The following DAB1 variants were observed in gnomAD, a reference collection of about 807,000 sequenced individuals.
The protein encoded by DAB1 is DAB adaptor protein 1, also known as disabled homolog 1.
Under a neutral mutation model 64.6 loss-of-function variants are expected in DAB1, and 15 were observed. The observed-to-expected ratio is 0.23, with a 90% CI of 0.16 to 0.36. The LOEUF is 0.36. Ranked by LOEUF, DAB1 falls within the 10% of genes least tolerant of loss-of-function variation. DAB1 has a pLI of 1.00. For missense variants in DAB1, 596 were observed against 706.7 expected (o/e 0.84, Z 1.78); for synonymous variants, 235 against 251.9 (o/e 0.93, Z 0.64).
At chr1:57,300,432 G>A (rs1356109730) in intron 1 of DAB1, among the ~76,000 whole-genome samples, 1 of 152,218 alleles carries the variant, frequency 6.6e-6, no homozygotes, top group African/African-American at 2.4e-5. Context: ...GGGGGATGCA[G>A]ACGGAAGACT....
At chr1:57,790,883 T>G (rs1432322974) in intron 6 of DAB1, among the ~76,000 whole-genome samples, 1 of 152,096 alleles carries the variant, frequency 6.6e-6, no homozygotes, top group Non-Finnish European at 1.5e-5. Flanking sequence ...ACACACACAC[T>G]CACACTCACA....
intron 2 of DAB1, among the ~76,000 whole-genome samples, chr1:58,519,586 A>T (rs7527511): frequency 0.43 from 65,012 of 151,724 alleles, 16,143 homozygotes; most frequent in East Asian, 0.66. Context: ...GGAAAAAAAA[A>T]ATATATCATT....
intron 7 of DAB1, among the ~76,000 whole-genome samples, chr1:57,610,585 T>C (rs1645713985): frequency 6.6e-6 from 1 of 152,164 alleles, no homozygotes. Flanking sequence ...GACTGGGTAA[T>C]TTATAAAGAA....
chr1:57,929,462 A>G (rs1644925107), intron 5 of DAB1, among the ~76,000 whole-genome samples: 1 of 152,174 alleles, frequency 6.6e-6, no homozygotes, highest in Non-Finnish European at 1.5e-5. Context: ...TAACTAATGA[A>G]TTCTTTCTTT....
chr1:57,026,163 C>A, intron 9 of DAB1, 120 bp from the exon 10 acceptor site: 1 of 724,810 alleles, frequency 1.4e-6, no homozygotes, highest in East Asian at 3.0e-5. Context: ...CTAGATAAAC[C>A]GTAATCCTGA....
intron 4 of DAB1, among the ~76,000 whole-genome samples, chr1:58,228,337 T>C (rs1367822875): frequency 1.3e-5 from 2 of 152,208 alleles, no homozygotes; most frequent in Non-Finnish European, 2.9e-5. Context: ...TGAATTTCTA[T>C]ATTCACATAA....
At chr1:57,661,222 C>G (rs970259095) in intron 6 of DAB1, among the ~76,000 whole-genome samples, 2 of 152,168 alleles carry the variant, frequency 1.3e-5, no homozygotes, top group East Asian at 3.9e-4. Flanking sequence ...TCAGTTAAGG[C>G]AGGGAGGCAG....
chr1:58,388,527 T>C (rs1471009982), intron 3 of DAB1, among the ~76,000 whole-genome samples: 7 of 152,164 alleles, frequency 4.6e-5, no homozygotes, highest in African/African-American at 1.7e-4. Context: ...AGCCAAATGC[T>C]TAGAATGTCA....
At chr1:57,837,632 A>G (rs1652864365) in intron 1 of DAB1, among the ~76,000 whole-genome samples, 1 of 152,062 alleles carries the variant, frequency 6.6e-6, no homozygotes, top group Non-Finnish European at 1.5e-5. Flanking sequence ...AAGATCATGC[A>G]CAAAATCCTC....
intron 1 of DAB1, among the ~76,000 whole-genome samples, chr1:57,373,466 C>T (rs570220625): frequency 6.6e-6 from 1 of 152,172 alleles, no homozygotes; most frequent in Non-Finnish European, 1.5e-5. Context: ...TGTACAGCCC[C>T]CTACCTGCCC....
chr1:58,392,845 G>A (rs911804517), intron 3 of DAB1, among the ~76,000 whole-genome samples: 1 of 152,156 alleles, frequency 6.6e-6, no homozygotes. Flanking sequence ...GTTTGTTAGT[G>A]TTTCCTTCCA....
At chr1:58,156,536 G>C (rs528445595) in intron 4 of DAB1, among the ~76,000 whole-genome samples, 3 of 152,310 alleles carry the variant, frequency 2.0e-5, no homozygotes, top group Admixed American at 2.0e-4. Flanking sequence ...AGACAGAAGA[G>C]TTAATGCACA....
chr1:58,188,121 C>G (rs1657192549), intron 4 of DAB1, among the ~76,000 whole-genome samples: 1 of 143,858 alleles, frequency 7.0e-6, no homozygotes, highest in Non-Finnish European at 1.5e-5. Flanking sequence ...GTTGGCCAGA[C>G]TGGTCTCAAA....
intron 6 of DAB1, among the ~76,000 whole-genome samples, chr1:57,673,474 T>G (rs1026373016): frequency 6.6e-6 from 1 of 152,172 alleles, no homozygotes; most frequent in Non-Finnish European, 1.5e-5. Context: ...GGCAGGTTTT[T>G]TTCTAATCCT....
chr1:58,250,814 A>C (rs1050047008), intron 4 of DAB1, among the ~76,000 whole-genome samples: 1 of 152,156 alleles, frequency 6.6e-6, no homozygotes, highest in Admixed American at 6.5e-5. Context: ...AAAGTGATTT[A>C]CTGGGGAGAG....
chr1:57,105,312 T>C (rs1340540660), intron 4 of DAB1, among the ~76,000 whole-genome samples: 2 of 151,402 alleles, frequency 1.3e-5, no homozygotes, highest in African/African-American at 4.9e-5. Context: ...GAAAAAAAAA[T>C]GCATTTTTCA....
chr1:58,506,811 CCAATTTTCT>C (rs1199211016), intron 2 of DAB1, among the ~76,000 whole-genome samples: 2 of 151,968 alleles, frequency 1.3e-5, no homozygotes, highest in Admixed American at 1.3e-4. Context: ...ATCAATTTAC[CCAATTTTCT>C]CAATGTATAT....
In DAB1 at chr1:57,515,554, T is replaced by A. The variant is rs142683039; in HGVS notation, n.625+134038A>T. On this transcript the variant is annotated intron_variant and non_coding_transcript_variant, in intron 7 of 20. Transcript: ENST00000485760. ...AAGCAAGGTATTTATTTCTATCAGC[T>A]GAATCCTGAAAGTCATCTCAATAGT... 3.0e-3 allele frequency among the ~76,000 whole-genome samples: 452 copies of A among 152,356 alleles called. 2 individuals carry two copies. The highest frequency in any genetic ancestry group is 0.026 in the South Asian group (127 of 4,832).
chr1:58,291,061 G>A (rs1661819980), intron 4 of DAB1, among the ~76,000 whole-genome samples: 2 of 152,204 alleles, frequency 1.3e-5, no homozygotes, highest in African/African-American at 4.8e-5. Context: ...CAGAAGCTGA[G>A]TGATATGCTG....
Sources: gnomAD v4.1 joint callset for allele counts (sites outside exome capture counted in the v4.1 genomes callset) on GRCh38, gnomAD v4.1.1 for gene constraint, MANE v1.5 for transcripts, NCBI Gene and HGNC (gene_info 2026-07-23, HGNC 2026-07-21) for gene names.